SH3KBP1: variants seen among roughly 807,000 people sequenced by gnomAD.
The protein encoded by SH3KBP1 is SH3 domain containing kinase binding protein 1.
SH3KBP1 carries 8 observed loss-of-function variants against 50.1 expected under a neutral mutation model. The ratio of observed to expected loss-of-function variants is 0.16; its 90% confidence interval spans 0.09 to 0.29. The LOEUF (loss-of-function observed/expected upper bound fraction) is 0.29, where lower values mean the gene tolerates loss of function less well. Ranked by LOEUF, SH3KBP1 falls within the 10% of genes least tolerant of loss-of-function variation. The probability of loss-of-function intolerance (pLI) is 1.00; values close to 1 mark genes in which losing one functional copy is unlikely to be tolerated. For missense variants in SH3KBP1, 377 were observed against 535.2 expected (o/e 0.70, Z 2.92); for synonymous variants, 227 against 218.6 (o/e 1.04, Z -0.34).
At chrX:19,784,891 G>A (rs1030615755) in intron 2 of SH3KBP1, among the ~76,000 whole-genome samples, 16 of 111,537 alleles carry the variant, frequency 1.4e-4, no homozygotes, top group African/African-American at 4.9e-4. Context: ...TTACAGGTGT[G>A]AGCCACCGCG....
intron 1 of SH3KBP1, among the ~76,000 whole-genome samples, chrX:19,850,425 C>A (rs2068475226): frequency 9.0e-6 from 1 of 111,264 alleles, no homozygotes; most frequent in African/African-American, 3.3e-5. Flanking sequence ...CTCAAGTGAT[C>A]TGCCCGCCTC....
At chrX:19,749,729 CATAG>C (rs1290587359) in intron 2 of SH3KBP1, among the ~76,000 whole-genome samples, 1 of 112,533 alleles carries the variant, frequency 8.9e-6, no homozygotes, top group South Asian at 3.6e-4. Context: ...ATGTTTTGGA[CATAG>C]ATAGTACGGA....
At chrX:19,563,729 T>C (rs1482362121) in intron 13 of SH3KBP1, among the ~76,000 whole-genome samples, 2 of 112,160 alleles carry the variant, frequency 1.8e-5, no homozygotes, top group Admixed American at 1.9e-4. Flanking sequence ...TATGCAGACT[T>C]GACTGTAGAC....
intron 6 of SH3KBP1, among the ~76,000 whole-genome samples, chrX:19,668,935 AATATATATATATAT>A (rs56844238): frequency 8.2e-4 from 27 of 32,877 alleles, no homozygotes; most frequent in Admixed American, 4.4e-3. Flanking sequence ...GATTGAGGGT[AATATATATATATAT>A]ATATATATAT....
At position 19,662,723 on chromosome X, in the gene SH3KBP1, G is replaced by C. The variant is rs752248004; in HGVS notation, c.727-17248C>G. ...TATATCATAATTTTAAAATTATACA[G>C]ATTTCACAGATACTTTCATTTCTCA... is the stretch of plus-strand genomic sequence containing the variant. On this transcript the variant is annotated intron_variant, in intron 6 of 17. Coordinates refer to ENST00000397821, the MANE Select transcript of SH3KBP1 (RefSeq NM_031892.3). Among the ~76,000 whole-genome samples the C allele has an allele frequency of 3.6e-5, 4 of 110,404 alleles. No individual in the cohort carries two copies. The Admixed American group carries it at 3.9e-4, about 11-fold the overall frequency.
intron 2 of SH3KBP1, among the ~76,000 whole-genome samples, chrX:19,819,355 A>G (rs1198879657): frequency 1.8e-5 from 2 of 111,018 alleles, no homozygotes; most frequent in Non-Finnish European, 3.8e-5. Flanking sequence ...TTATTTTGAA[A>G]TAGGATCATA....
chrX:19,565,051 ATTTTTTTTTTT>A (rs59323105), intron 13 of SH3KBP1, among the ~76,000 whole-genome samples: 6 of 66,529 alleles, frequency 9.0e-5, no homozygotes, highest in East Asian at 3.8e-4. Flanking sequence ...TTCAACTCCA[ATTTTTTTTTTT>A]TTTTTTTTTT....
rs1182492402 is a variant in SH3KBP1, at chrX:19,758,290, T to C, written c.163-11849A>G. Among the ~76,000 whole-genome samples the C allele has an allele frequency of 1.1e-4, 10 of 89,861 alleles. No individual in the cohort carries two copies. In the Admixed American group the frequency reaches 1.5e-3, roughly 13 times the overall value. 78.0% of individuals were successfully genotyped at this position (89,861 alleles called of 115,157 possible). ...TTGCAGTGAACTGATATCGCACCAC[T>C]GAACTCCGGCCTGGGCCACAGAGTG... On this transcript the variant is annotated intron_variant, in intron 2 of 17. Transcript: ENST00000397821.
At chrX:19,868,032 C>T (rs1361834187) in intron 1 of SH3KBP1, among the ~76,000 whole-genome samples, 1 of 111,347 alleles carries the variant, frequency 9.0e-6, no homozygotes, top group African/African-American at 3.3e-5. Flanking sequence ...CAGTCCACAG[C>T]AAGCTGGAGG....
At chrX:19,878,043 A>G (rs1191231669) in intron 1 of SH3KBP1, among the ~76,000 whole-genome samples, 1 of 112,086 alleles carries the variant, frequency 8.9e-6, no homozygotes, top group Non-Finnish European at 1.9e-5. Flanking sequence ...AAATATAAGC[A>G]CAGTTGACCA....
intron 1 of SH3KBP1, among the ~76,000 whole-genome samples, chrX:19,878,224 C>T (rs2069310145): frequency 9.0e-6 from 1 of 110,647 alleles, no homozygotes; most frequent in Admixed American, 9.6e-5. Flanking sequence ...AGTGAAGAAA[C>T]GTGGAATGAT....
chrX:19,547,977 TA>T (rs1370219751), intron 14 of SH3KBP1, among the ~76,000 whole-genome samples: 2 of 113,117 alleles, frequency 1.8e-5, no homozygotes, highest in African/African-American at 6.4e-5. Flanking sequence ...CCTTTTGTTT[TA>T]AGTCTGCAAA....
chrX:19,587,973 T>C lies in SH3KBP1; in HGVS notation c.1298+670A>G, dbSNP rs141821914. Reference sequence around the variant, plus strand: ...CTTATGGAGAGAATTCAACAGTTCCTTGCTCTGTGGTAGGTATCTCAGGTC... The same window carrying C: ...CTTATGGAGAGAATTCAACAGTTCCCTGCTCTGTGGTAGGTATCTCAGGTC... On this transcript the variant is annotated intron_variant, in intron 12 of 17. Transcript: ENST00000397821. Among the ~76,000 whole-genome samples the C allele has an allele frequency of 5.9e-3, 660 of 112,705 alleles. 8 individuals are homozygous for C. Among genetic ancestry groups the C allele is most frequent in the African/African-American group, 0.021 (637 of 31,031 alleles).
chrX:19,868,752 C>A (rs1345948617), intron 1 of SH3KBP1, among the ~76,000 whole-genome samples: 1 of 105,673 alleles, frequency 9.5e-6, no homozygotes, highest in African/African-American at 3.5e-5. Flanking sequence ...GTCATTTTTC[C>A]ACCACTGTAA....
intron 16 of SH3KBP1, among the ~76,000 whole-genome samples, chrX:19,540,479 C>T (rs1265735844): frequency 8.9e-6 from 1 of 111,773 alleles, no homozygotes; most frequent in African/African-American, 3.3e-5. Flanking sequence ...CAATGCAAAG[C>T]GAAGGCTCTG....
chrX:19,636,157 AGAG>A (rs2061698385), intron 7 of SH3KBP1, among the ~76,000 whole-genome samples: 1 of 110,838 alleles, frequency 9.0e-6, no homozygotes, highest in Non-Finnish European at 1.9e-5. Context: ...AGAGAGAGAG[AGAG>A]AAAAAATAAA....
chrX:19,603,526 C>T lies in SH3KBP1; in HGVS notation c.1005+4412G>A, dbSNP rs753617873. Among the ~76,000 whole-genome samples, 17 of 112,172 alleles carry T rather than the reference C, an allele frequency of 1.5e-4. No individual in the cohort carries two copies. The South Asian group carries it at 1.9e-3, about 12-fold the overall frequency. On this transcript the variant is annotated intron_variant, in intron 9 of 17. Transcript: ENST00000397821. ...AGGTTTCTGAGTCCCTGAGGCTGAG[C>T]TCCCACTGGGGAGCATTCATTAGGG... is the stretch of plus-strand genomic sequence containing the variant.
chrX:19,642,624 C>A (rs920874740), intron 7 of SH3KBP1, among the ~76,000 whole-genome samples: 14 of 111,605 alleles, frequency 1.3e-4, no homozygotes, highest in African/African-American at 3.9e-4. Context: ...TTTTCTATCC[C>A]ACAGAGGCCA....
chrX:19,718,233 T>C (rs2063963405), intron 3 of SH3KBP1, among the ~76,000 whole-genome samples: 1 of 110,762 alleles, frequency 9.0e-6, no homozygotes, highest in Non-Finnish European at 1.9e-5. Context: ...ACTCGGAACC[T>C]AGCACAGAGT....
Sources: gnomAD v4.1 joint callset for allele counts (sites outside exome capture counted in the v4.1 genomes callset) on GRCh38, gnomAD v4.1.1 for gene constraint, MANE v1.5 for transcripts, NCBI Gene and HGNC (gene_info 2026-07-23, HGNC 2026-07-21) for gene names.